The following HCN4 variants were observed in gnomAD, a reference collection of about 807,000 sequenced individuals.
The protein encoded by HCN4 is hyperpolarization activated cyclic nucleotide gated potassium channel 4, also known as potassium/sodium hyperpolarization-activated cyclic nucleotide-gated channel 4.
HCN4 carries 29 observed loss-of-function variants against 76.9 expected under a neutral mutation model. That is an observed-to-expected ratio of 0.38 (90% CI 0.28 to 0.51). The LOEUF (loss-of-function observed/expected upper bound fraction) is 0.51. Ranked by LOEUF, HCN4 falls within the 20% of genes least tolerant of loss-of-function variation. The pLI is 0.90. For missense variants in HCN4, 1,416 were observed against 1,715.2 expected, an observed-to-expected ratio of 0.83 and a Z score of 3.08; for synonymous variants, 772 against 762.5, an observed-to-expected ratio of 1.01 and a Z score of -0.21.
chr15:73,322,910 T>C lies in HCN4; in HGVS notation c.3183A>G (p.Pro1061=), dbSNP rs1176021128. 1 of 1,211,542 alleles carries C rather than the reference T, an allele frequency of 8.3e-7. No homozygotes were observed. The highest frequency in any genetic ancestry group is 1.9e-5 in the African/African-American group (1 of 53,864). The allele number at this position is 1,211,542 out of a possible 1,614,324, so 75.0% of individuals were successfully genotyped here. A position where few individuals can be genotyped will look rare whatever the true frequency, so the allele number is the denominator to read the frequency against. ...SLLLPPASSP[P]PPQVPQRRGT... ...CCCGGCGCTGGGGGACCTGGGGTGG[T>C]GGGGGGCTGGATGCAGGTGGCAGGA... The change falls in exon 8 of 8, where the codon CCA becomes CCG. Residue 1061 remains proline, a synonymous_variant. Transcript: ENST00000261917.
In HCN4 at chr15:73,367,721, C is replaced by T. The variant is rs1450435726; in HGVS notation, c.550G>A (p.Val184Met). Reference protein sequence around the residue: ...PASASCEQPSVDTAIKVEGGA... With the variant: ...PASASCEQPSMDTAIKVEGGA... ...CCCTCCACTTTGATAGCGGTGTCCACCGAGGGCTGCTCGCAGGAGGCGGAG... is the reference window on the plus strand; with the variant it reads ...CCCTCCACTTTGATAGCGGTGTCCATCGAGGGCTGCTCGCAGGAGGCGGAG... The change falls in exon 1 of 8, where the codon GTG becomes ATG. Residue 184 changes from valine to methionine, a missense_variant. Transcript: ENST00000261917. This position sits in a 1 kb window ranked among gnomAD's most constrained non-coding sequence, Gnocchi z 7.5. 3 of 1,594,642 alleles carry T rather than the reference C, an allele frequency of 1.9e-6. No homozygotes were observed. In the African/African-American group the frequency reaches 4.0e-5, roughly 21 times the overall value.
Position 73,325,214 on chromosome 15 carries a change from T to G in HCN4, c.1738-19A>C, listed in dbSNP as rs1307654336. ...TGATCTCCTGCCGGACAGGGTGGATTGGGACACGGGAAGGAGGTGGTGAGG... is the reference window on the plus strand; with the variant it reads ...TGATCTCCTGCCGGACAGGGTGGATGGGGACACGGGAAGGAGGTGGTGAGG... On this transcript the variant is annotated intron_variant, in intron 5 of 7. Transcript: ENST00000261917. This position sits in a 1 kb window ranked among gnomAD's most constrained non-coding sequence, Gnocchi z 7.4. 1.9e-6 allele frequency: 3 copies of G among 1,613,990 alleles called. No homozygotes were observed. The highest frequency in any genetic ancestry group is 2.5e-6 in the Non-Finnish European group (3 of 1,179,928).
At position 73,323,424 on chromosome 15, in the gene HCN4, G is replaced by A. The variant is rs758929649; in HGVS notation, c.2669C>T (p.Pro890Leu). 94 of 1,608,048 alleles carry A rather than the reference G, an allele frequency of 5.8e-5. No homozygotes were observed. Among genetic ancestry groups the A allele is most frequent in the Admixed American group, 2.0e-4 (12 of 59,466 alleles). Reference protein sequence around the residue: ...SSPPPGACGSPSAPTPSAGVA... With the variant: ...SSPPPGACGSLSAPTPSAGVA... ...GCCAGCTGATGGTGTGGGAGCCGAG[G>A]GGGAGCCACAGGCCCCGGGGGGTGG... Residue 890 changes from proline (P) to leucine (L), a missense_variant, in exon 8 of 8, where the codon CCC becomes CTC. Around this residue, in one of 6 missense-constraint regions of HCN4, gnomAD observed 633 missense variants for 579.8 expected, o/e 1.09. Coordinates refer to ENST00000261917, the MANE Select transcript of HCN4 (RefSeq NM_005477.3).
chr15:73,323,150 C>T lies in HCN4; in HGVS notation c.2943G>A (p.Glu981=). ...SPGQLGQPPG[E]LSLGLATGPL... is the part of the protein sequence containing the mutation. ...GGCCAGTGGCCAGACCTAGGGACAA[C>T]TCCCCGGGAGGCTGGCCCAGCTGCC... is the stretch of plus-strand genomic sequence containing the variant. The change falls in exon 8 of 8, where the codon GAG becomes GAA. Residue 981 remains glutamate (E), a synonymous_variant. Transcript: ENST00000261917. The T allele has an allele frequency of 6.3e-7, 1 of 1,582,076 alleles. No individual in the cohort carries two copies. The highest frequency in any genetic ancestry group is 8.6e-7 in the Non-Finnish European group (1 of 1,165,322).
chr15:73,331,092 G>T (rs181451929), intron 3 of HCN4, among the ~76,000 whole-genome samples: 1 of 152,310 alleles, frequency 6.6e-6, no homozygotes, highest in African/African-American at 2.4e-5. Flanking sequence ...CAAACTGACT[G>T]GGAGGAAGCC....
chr15:73,342,129 G>A (rs994712700), intron 2 of HCN4, among the ~76,000 whole-genome samples: 1 of 152,214 alleles, frequency 6.6e-6, no homozygotes, highest in African/African-American at 2.4e-5. Flanking sequence ...CTGCCAAGTT[G>A]TGTAACTTGG....
At chr15:73,358,056 A>C (rs1182143235) in intron 1 of HCN4, among the ~76,000 whole-genome samples, 1 of 152,126 alleles carries the variant, frequency 6.6e-6, no homozygotes. Context: ...GACCCTGGAC[A>C]CTGAGAGAAG....
intron 1 of HCN4, among the ~76,000 whole-genome samples, chr15:73,360,930 C>A (rs1268534952): frequency 2.0e-5 from 3 of 152,220 alleles, no homozygotes; most frequent in African/African-American, 7.2e-5. Context: ...GGGACCTGCA[C>A]AACTGCAGAG....
Position 73,324,980 on chromosome 15 carries a change from C to G in HCN4, c.1953G>C (p.Lys651Asn). Residue 651 changes from lysine (K) to asparagine (N), a missense_variant, in exon 6 of 8, where the codon AAG becomes AAC. By Grantham distance (94) the Lys-to-Asn change is moderately conservative. Transcript: ENST00000261917. ...CTCCAAAGTAGGAGCCGTCGGCCAG[C>G]TTGGTCTCCTTGTTGCCCTTGGTGA... ...SVLTKGNKETKLADGSYFGEI... is the reference protein window; with the variant it reads ...SVLTKGNKETNLADGSYFGEI... 1 of 1,614,180 alleles carries G rather than the reference C, an allele frequency of 6.2e-7. No individual in the cohort carries two copies. The highest frequency in any genetic ancestry group is 1.7e-5 in the Admixed American group (1 of 60,034).
chr15:73,326,796 T>G (rs1023282994), intron 4 of HCN4, among the ~76,000 whole-genome samples: 10 of 142,034 alleles, frequency 7.0e-5, no homozygotes, highest in Non-Finnish European at 1.3e-4. Context: ...TTTATTTATT[T>G]TTTTTGTTAA....
chr15:73,338,283 G>A (rs1270067961), intron 2 of HCN4, among the ~76,000 whole-genome samples: 3 of 152,170 alleles, frequency 2.0e-5, no homozygotes, highest in African/African-American at 7.2e-5. Context: ...TCCCTCTTAC[G>A]ATGTTGGTTC....
Position 73,325,284 on chromosome 15 carries a change from G to A in HCN4, c.1737+14C>T, listed in dbSNP as rs776741529. Reference sequence around the variant, plus strand: ...GCCTGGCTCCCCTCCACGCCGGGCCGCCACACAGCTCACCTCCCGCAGGGG... The same window carrying A: ...GCCTGGCTCCCCTCCACGCCGGGCCACCACACAGCTCACCTCCCGCAGGGG... On this transcript the variant is annotated intron_variant, in intron 5 of 7. Coordinates refer to ENST00000261917, the MANE Select transcript of HCN4 (RefSeq NM_005477.3). This position sits in a 1 kb window ranked among gnomAD's most constrained non-coding sequence, Gnocchi z 7.4. The A allele has an allele frequency of 7.4e-6, 12 of 1,614,004 alleles. No individual in the cohort carries two copies. Among genetic ancestry groups the A allele is most frequent in the Middle Eastern group, 1.6e-4 (1 of 6,074 alleles).
In HCN4 at chr15:73,343,834, G is replaced by A. The variant is rs191464294; in HGVS notation, c.786-26C>T. 2.7e-5 allele frequency: 43 copies of A among 1,611,732 alleles called. No homozygotes were observed. The South Asian group carries it at 2.7e-4, about 10-fold the overall frequency. ...CTGCCCAGAGACACAGGGGTCAGTC[G>A]CCAGGAAGAGAGAGAGGACAAGTTA... On this transcript the variant is annotated intron_variant, in intron 1 of 7. Coordinates refer to ENST00000261917, the MANE Select transcript of HCN4 (RefSeq NM_005477.3). The surrounding 1 kb of genome is among the most constrained non-coding windows in gnomAD (Gnocchi z 5.7).
intron 1 of HCN4, among the ~76,000 whole-genome samples, chr15:73,348,533 C>G (rs975171881): frequency 6.6e-6 from 1 of 152,238 alleles, no homozygotes; most frequent in South Asian, 2.1e-4. Flanking sequence ...CATTTTGGCA[C>G]AAATGATATC....
In HCN4 at chr15:73,328,346, C is replaced by A. The variant is rs149772164; in HGVS notation, c.1590+1227G>T. On this transcript the variant is annotated intron_variant, in intron 4 of 7. Transcript: ENST00000261917. The surrounding 1 kb of genome is among the most constrained non-coding windows in gnomAD (Gnocchi z 4.0). ...GAAATAAAGGGTGCAAGGCCCAGGGCAGGAGCTGAGCATGAGGGCAGATCC... is the reference window on the plus strand; with the variant it reads ...GAAATAAAGGGTGCAAGGCCCAGGGAAGGAGCTGAGCATGAGGGCAGATCC... 1.0e-3 allele frequency among the ~76,000 whole-genome samples: 154 copies of A among 152,092 alleles called. No individual in the cohort carries two copies. The highest frequency in any genetic ancestry group is 3.5e-3 in the African/African-American group (146 of 41,490).
At chr15:73,330,201 A>G (rs1381236574) in intron 3 of HCN4, among the ~76,000 whole-genome samples, 3 of 152,222 alleles carry the variant, frequency 2.0e-5, no homozygotes. Flanking sequence ...ACTGACCTCA[A>G]TTATAAAACC....
chr15:73,354,011 C>T (rs1242217312), intron 1 of HCN4, among the ~76,000 whole-genome samples: 1 of 152,122 alleles, frequency 6.6e-6, no homozygotes, highest in African/African-American at 2.4e-5. Flanking sequence ...ACCTCAAAAA[C>T]TCTGACTCAG....
chr15:73,363,168 C>T (rs918380922), intron 1 of HCN4, among the ~76,000 whole-genome samples: 4 of 152,236 alleles, frequency 2.6e-5, no homozygotes, highest in East Asian at 3.9e-4. Context: ...TAACAACATT[C>T]CTGGGTAATG....
rs929717785 is a variant in HCN4, at chr15:73,328,953, G to A, written c.1590+620C>T. On this transcript the variant is annotated intron_variant, in intron 4 of 7. Coordinates refer to ENST00000261917, the MANE Select transcript of HCN4 (RefSeq NM_005477.3). This position sits in a 1 kb window ranked among gnomAD's most constrained non-coding sequence, Gnocchi z 4.0. ...CAGCCTTCTCATTACAGACATGAGG[G>A]GCGTGGGGTGTCCAGAGAGGGATGA... Among the ~76,000 whole-genome samples, 1 of 152,180 alleles carries A rather than the reference G, an allele frequency of 6.6e-6. No homozygotes were observed. The highest frequency in any genetic ancestry group is 1.5e-5 in the Non-Finnish European group (1 of 68,026).
Sources: gnomAD v4.1 joint callset for allele counts (sites outside exome capture counted in the v4.1 genomes callset) on GRCh38, gnomAD v4.1.1 for gene constraint, gnomAD v4.1.1 regional missense constraint, Gnocchi (gnomAD v3.1) non-coding constraint, MANE v1.5 for transcripts, NCBI Gene and HGNC (gene_info 2026-07-23, HGNC 2026-07-21) for gene names.